MBD5: variants seen among roughly 807,000 people sequenced by gnomAD.
The protein encoded by MBD5 is methyl-CpG binding domain protein 5, also known as methyl-CpG-binding domain protein 5.
A neutral mutation model predicts 117.3 loss-of-function variants in MBD5; 13 were observed. That is an observed-to-expected ratio of 0.11 (90% CI 0.07 to 0.18). The LOEUF is 0.18. Among genes scored for constraint, MBD5 ranks in the 10% least tolerant of loss-of-function variants. MBD5 has a pLI of 1.00. For synonymous variants in MBD5, 727 were observed against 766.4 expected (o/e 0.95, Z 0.85); for missense variants, 1,879 against 2,093.8 (o/e 0.90, Z 2.00).
chr2:148,093,824 A>G (rs1695999583), intron 1 of MBD5, among the ~76,000 whole-genome samples: 1 of 152,200 alleles, frequency 6.6e-6, no homozygotes, highest in South Asian at 2.1e-4. Flanking sequence ...GTATCAGTGT[A>G]TCTTTGTTGT....
chr2:148,095,193 G>GA (rs1377726452), intron 1 of MBD5, among the ~76,000 whole-genome samples: 1 of 152,066 alleles, frequency 6.6e-6, no homozygotes, highest in Non-Finnish European at 1.5e-5. Flanking sequence ...TTAACAGGTG[G>GA]AAAAATGTTA....
chr2:148,215,357 G>A (rs1699524908), intron 2 of MBD5, among the ~76,000 whole-genome samples: 1 of 152,100 alleles, frequency 6.6e-6, no homozygotes, highest in Admixed American at 6.6e-5. Context: ...ATCAAAAGGA[G>A]TAAACAAAGC....
At chr2:148,100,097 G>A (rs1696167515) in intron 1 of MBD5, among the ~76,000 whole-genome samples, 1 of 152,154 alleles carries the variant, frequency 6.6e-6, no homozygotes, top group African/African-American at 2.4e-5. Flanking sequence ...AATCTTCTAG[G>A]AGAATGTGAC....
intron 3 of MBD5, among the ~76,000 whole-genome samples, chr2:148,302,824 G>A (rs1441014826): frequency 6.6e-6 from 1 of 151,250 alleles, no homozygotes; most frequent in Non-Finnish European, 1.5e-5. Context: ...TAGAGATGAG[G>A]TGTCACTATC....
At chr2:148,354,734 A>T (rs1045391141) in intron 4 of MBD5, among the ~76,000 whole-genome samples, 1 of 152,150 alleles carries the variant, frequency 6.6e-6, no homozygotes, top group Non-Finnish European at 1.5e-5. Context: ...TCCCACCAAC[A>T]TGTAAAAGCA....
chr2:148,413,024 A>G (rs188080155), intron 4 of MBD5, among the ~76,000 whole-genome samples: 23 of 152,034 alleles, frequency 1.5e-4, no homozygotes, highest in Admixed American at 4.6e-4. Context: ...ATAGACATCC[A>G]TGTCTTATTC....
At chr2:148,099,134 G>A (rs995645347) in intron 1 of MBD5, among the ~76,000 whole-genome samples, 3 of 152,036 alleles carry the variant, frequency 2.0e-5, no homozygotes, top group African/African-American at 4.8e-5. Flanking sequence ...AAAACTATCT[G>A]GTATTTCCAA....
chr2:148,465,675 C>T (rs1559084159), intron 7 of MBD5, among the ~76,000 whole-genome samples: 1 of 152,076 alleles, frequency 6.6e-6, no homozygotes, highest in Non-Finnish European at 1.5e-5. Context: ...TAGAAACTGA[C>T]TTGAATAGAA....
In MBD5 at chr2:148,091,482, A is replaced by G. The variant is rs377260031; in HGVS notation, c.-925+69798A>G. Among the ~76,000 whole-genome samples the G allele has an allele frequency of 1.6e-4, 25 of 152,344 alleles. 2 individuals carry two copies. The South Asian group carries it at 5.2e-3, about 32-fold the overall frequency. The stretch of plus-strand genomic sequence containing the variant: ...GGCACGTAGACCAATAGAATAGAAT[A>G]GAACACCCAGAAATAAAGCCATATG... On this transcript the variant is annotated intron_variant, in intron 1 of 13. Transcript: ENST00000642680.
At chr2:148,181,227 T>C (rs1698526623) in intron 2 of MBD5, among the ~76,000 whole-genome samples, 1 of 152,234 alleles carries the variant, frequency 6.6e-6, no homozygotes. Context: ...TGCTTACTGC[T>C]ACATGGTAAT....
intron 1 of MBD5, among the ~76,000 whole-genome samples, chr2:148,126,230 T>C (rs1015340389): frequency 2.4e-5 from 3 of 122,594 alleles, no homozygotes; most frequent in African/African-American, 9.1e-5. Context: ...ACCTCGTTTC[T>C]ACTAAAAATA....
At position 148,484,046 on chromosome 2, in the gene MBD5, A is replaced by G. The variant is rs973796677; in HGVS notation, c.3455A>G (p.Asn1152Ser). The G allele has an allele frequency of 1.2e-5, 18 of 1,550,120 alleles. No homozygotes were observed. Among genetic ancestry groups the G allele is most frequent in the Non-Finnish European group, 1.6e-5 (18 of 1,146,776 alleles). Residue 1152 changes from asparagine to serine, a missense_variant, in exon 9 of 14, where the codon AAT becomes AGT. Transcript: ENST00000642680. Reference sequence around the variant, plus strand: ...GAAACATTGCTGAATATATCTAATAATGCTGGGAATACACCTGGTCCAGCT... The same window carrying G: ...GAAACATTGCTGAATATATCTAATAGTGCTGGGAATACACCTGGTCCAGCT... ...MAETLLNISN[N>S]AGNTPGPAKL...
chr2:148,089,760 G>C (rs1227480), intron 1 of MBD5, among the ~76,000 whole-genome samples: 1 of 152,078 alleles, frequency 6.6e-6, no homozygotes, highest in African/African-American at 2.4e-5. Flanking sequence ...ACAAATAGAC[G>C]ATCTAAGGTC....
chr2:148,429,855 G>A (rs1705930059), intron 4 of MBD5, among the ~76,000 whole-genome samples: 2 of 152,062 alleles, frequency 1.3e-5, no homozygotes, highest in African/African-American at 4.8e-5. Context: ...ATGGGGTGGG[G>A]GGCTGGCGGA....
chr2:148,226,099 T>C (rs1162670915), intron 2 of MBD5, among the ~76,000 whole-genome samples: 2 of 152,106 alleles, frequency 1.3e-5, no homozygotes. Context: ...TTTGCCATTT[T>C]GAGGCTATTT....
chr2:148,159,062 A>T (rs1263220790), intron 1 of MBD5, among the ~76,000 whole-genome samples: 1 of 152,174 alleles, frequency 6.6e-6, no homozygotes, highest in Middle Eastern at 3.2e-3. Context: ...CGGTAAAGTA[A>T]AAAACTGCTT....
chr2:148,119,471 A>G (rs571539204), intron 1 of MBD5, among the ~76,000 whole-genome samples: 2 of 152,054 alleles, frequency 1.3e-5, no homozygotes, highest in South Asian at 2.1e-4. Flanking sequence ...CACCTTCTTG[A>G]TGGTGTTCTA....
chr2:148,438,486 A>G (rs1004368240), intron 4 of MBD5, among the ~76,000 whole-genome samples: 2 of 152,214 alleles, frequency 1.3e-5, no homozygotes, highest in African/African-American at 2.4e-5. Context: ...CTTTTGCAAC[A>G]GAACAATTTC....
chr2:148,154,524 C>A (rs77075867), intron 1 of MBD5, among the ~76,000 whole-genome samples: 1 of 152,184 alleles, frequency 6.6e-6, no homozygotes, highest in Non-Finnish European at 1.5e-5. Flanking sequence ...GGCGCCCCTC[C>A]CCCAGCCTGG....
Sources: allele counts gnomAD v4.1 joint callset (sites outside exome capture counted in the v4.1 genomes callset), GRCh38; gene constraint gnomAD v4.1.1; transcripts MANE v1.5; gene names NCBI Gene and HGNC (gene_info 2026-07-23, HGNC 2026-07-21).